The following UHRF2 variants were observed in gnomAD, a reference collection of about 807,000 sequenced individuals.
UHRF2 encodes the protein E3 ubiquitin-protein ligase UHRF2.
A neutral mutation model predicts 96.8 loss-of-function variants in UHRF2; 23 were observed. The observed-to-expected ratio is 0.24, with a 90% CI of 0.17 to 0.34. UHRF2 has a LOEUF of 0.34. Ranked by LOEUF, UHRF2 falls within the 10% of genes least tolerant of loss-of-function variation. The pLI is 1.00. For missense variants in UHRF2, 685 were observed against 981.5 expected (o/e 0.70, Z 4.04); for synonymous variants, 385 against 332.6 (o/e 1.16, Z -1.72).
chr9:6,483,502 A>G (rs1824055641), intron 8 of UHRF2, among the ~76,000 whole-genome samples: 1 of 152,120 alleles, frequency 6.6e-6, no homozygotes, highest in South Asian at 2.1e-4. Flanking sequence ...TGACAAGAAA[A>G]AGTCTGGACA....
intron 4 of UHRF2, among the ~76,000 whole-genome samples, chr9:6,474,080 T>C (rs1300755850): frequency 1.3e-5 from 2 of 152,158 alleles, no homozygotes; most frequent in South Asian, 2.1e-4. Context: ...AAGGTAAATA[T>C]AACTTCGGAG....
chr9:6,425,727 C>T (rs1444052078), intron 2 of UHRF2, among the ~76,000 whole-genome samples: 1 of 151,998 alleles, frequency 6.6e-6, no homozygotes, highest in East Asian at 1.9e-4. Flanking sequence ...CGCGCCACTG[C>T]ACTCCAAGCC....
At chr9:6,430,075 A>G (rs749490438) in intron 2 of UHRF2, among the ~76,000 whole-genome samples, 11 of 152,338 alleles carry the variant, frequency 7.2e-5, no homozygotes, top group Non-Finnish European at 1.5e-4. Flanking sequence ...CAATGGCACA[A>G]TATTGGCCCA....
intron 15 of UHRF2, among the ~76,000 whole-genome samples, chr9:6,505,710 A>G (rs1197923687): frequency 1.3e-5 from 2 of 152,240 alleles, no homozygotes; most frequent in Admixed American, 6.5e-5. Context: ...GGCTCTGTTT[A>G]GAAAGGACAG....
intron 3 of UHRF2, among the ~76,000 whole-genome samples, chr9:6,445,130 TA>T (rs34294660): frequency 2.9e-4 from 33 of 114,142 alleles, no homozygotes; most frequent in Admixed American, 3.8e-4. Context: ...ATCTCTTATT[TA>T]AAAAAAAAAA....
intron 2 of UHRF2, among the ~76,000 whole-genome samples, chr9:6,425,718 G>A (rs1289486435): frequency 1.3e-5 from 2 of 152,024 alleles, no homozygotes; most frequent in Admixed American, 6.5e-5. Flanking sequence ...AGCCGAGATC[G>A]CGCCACTGCA....
At chr9:6,423,988 A>C (rs557074519) in intron 2 of UHRF2, among the ~76,000 whole-genome samples, 88 of 113,922 alleles carry the variant, frequency 7.7e-4, no homozygotes, top group African/African-American at 3.0e-3. Context: ...GATAAGAGGA[A>C]TAGACAGAAT....
At chr9:6,420,389 T>G (rs1487776100) in intron 1 of UHRF2, among the ~76,000 whole-genome samples, 3 of 145,970 alleles carry the variant, frequency 2.1e-5, no homozygotes, top group Non-Finnish European at 4.5e-5. Context: ...CAGTGTTCTC[T>G]GTAGTGAATA....
chr9:6,422,631 A>T (rs868098820), intron 2 of UHRF2: 35 of 636,174 alleles, frequency 5.5e-5, no homozygotes, highest in Non-Finnish European at 9.7e-5. Context: ...TTTTTTTGAG[A>T]CAGGGTCTGG....
chr9:6,467,208 G>A (rs1216953468), intron 4 of UHRF2, among the ~76,000 whole-genome samples: 2 of 152,062 alleles, frequency 1.3e-5, no homozygotes, highest in African/African-American at 4.8e-5. Context: ...TGTTTCAGAC[G>A]CCTCCCACAT....
intron 3 of UHRF2, among the ~76,000 whole-genome samples, chr9:6,448,661 GAGTAACAGTTTAACA>G (rs1357444244): frequency 2.0e-5 from 3 of 152,200 alleles, no homozygotes; most frequent in Non-Finnish European, 4.4e-5. Context: ...TGGATGTTAA[GAGTAACAGTTTAACA>G]ACAAAAAATA....
At chr9:6,416,677 C>G (rs1409807024) in intron 1 of UHRF2, among the ~76,000 whole-genome samples, 2 of 151,710 alleles carry the variant, frequency 1.3e-5, no homozygotes, top group Admixed American at 1.3e-4. Flanking sequence ...GTAGCTGGGA[C>G]TACAGGCGCC....
chr9:6,459,543 C>A (rs1822396509), intron 3 of UHRF2, among the ~76,000 whole-genome samples: 1 of 152,154 alleles, frequency 6.6e-6, no homozygotes, highest in African/African-American at 2.4e-5. Context: ...GTGGCACATG[C>A]CTGTAATCCC....
intron 2 of UHRF2, among the ~76,000 whole-genome samples, chr9:6,428,409 TACTA>T (rs1053212250): frequency 3.3e-5 from 5 of 152,150 alleles, no homozygotes; most frequent in Admixed American, 6.5e-5. Context: ...CTTTGTTCTT[TACTA>T]ACTTTCTTAT....
intron 4 of UHRF2, among the ~76,000 whole-genome samples, chr9:6,474,645 A>G (rs1310011664): frequency 6.6e-6 from 1 of 152,178 alleles, no homozygotes; most frequent in Non-Finnish European, 1.5e-5. Context: ...GGTGGAGACT[A>G]CAGTGAGCCA....
At chr9:6,499,314 A>G (rs1825141121) in intron 12 of UHRF2, 2 of 148,092 alleles carry the variant, frequency 1.4e-5, no homozygotes, top group African/African-American at 2.5e-5. Context: ...TATTACTTCA[A>G]ATCTAACTCT....
intron 1 of UHRF2, among the ~76,000 whole-genome samples, chr9:6,417,116 C>T (rs993973823): frequency 1.3e-5 from 2 of 152,166 alleles, no homozygotes; most frequent in Admixed American, 6.6e-5. Flanking sequence ...CCTTCACTGG[C>T]ATCCCTAGTC....
chr9:6,469,548 CAAAT>C (rs1478508687), intron 4 of UHRF2, among the ~76,000 whole-genome samples: 9 of 151,338 alleles, frequency 5.9e-5, no homozygotes, highest in South Asian at 4.2e-4. Context: ...AAAAAAATAA[CAAAT>C]AAGACACAGC....
intron 6 of UHRF2, among the ~76,000 whole-genome samples, chr9:6,479,869 C>A (rs1158183876): frequency 6.6e-6 from 1 of 152,224 alleles, no homozygotes; most frequent in South Asian, 2.1e-4. Flanking sequence ...CCAGCCCAAA[C>A]TACCATCTCT....
Sources: gnomAD v4.1 joint callset for allele counts (sites outside exome capture counted in the v4.1 genomes callset) on GRCh38, gnomAD v4.1.1 for gene constraint, MANE v1.5 for transcripts, NCBI Gene and HGNC (gene_info 2026-07-23, HGNC 2026-07-21) for gene names.